DCAF5: variants seen among roughly 807,000 people sequenced by gnomAD.
DCAF5 encodes DDB1- and CUL4-associated factor 5.
A neutral mutation model predicts 80.7 loss-of-function variants in DCAF5; 9 were observed. The observed-to-expected ratio is 0.11, with a 90% CI of 0.07 to 0.19. The LOEUF (loss-of-function observed/expected upper bound fraction) is 0.19, where lower values mean the gene tolerates loss of function less well. Ranked by LOEUF, DCAF5 falls within the 10% of genes least tolerant of loss-of-function variation. The pLI is 1.00. For missense variants in DCAF5, 842 were observed against 1,205.7 expected (o/e 0.70, Z 4.47); for synonymous variants, 433 against 461.9 (o/e 0.94, Z 0.80).
chr14:69,075,628 C>T (rs1037391518), intron 6 of DCAF5, among the ~76,000 whole-genome samples: 14 of 152,046 alleles, frequency 9.2e-5, no homozygotes, highest in African/African-American at 3.1e-4. Flanking sequence ...ACTACAGGCA[C>T]ACGCCACCAC....
At position 69,053,686 on chromosome 14, in the gene DCAF5, T is replaced by C; in HGVS notation, c.*171A>G. On this transcript the variant is annotated 3_prime_UTR_variant, in exon 9 of 9. Transcript: ENST00000341516. ...CACAAGCCAATGGCCAGCTAGACAT[T>C]CAGACCCGTTGTTGAATGTTGGATA... 1.6e-6 allele frequency: 1 copy of C among 632,524 alleles called. No individual in the cohort carries two copies. The highest frequency in any genetic ancestry group is 2.6e-6 in the Non-Finnish European group (1 of 381,406). 39.2% of individuals were successfully genotyped at this position (632,524 alleles called of 1,614,324 possible).
chr14:69,068,715 AAAG>A (rs1406691451), intron 7 of DCAF5, among the ~76,000 whole-genome samples: 1 of 151,950 alleles, frequency 6.6e-6, no homozygotes, highest in Non-Finnish European at 1.5e-5. Context: ...AAAAAAAAAA[AAAG>A]TTTACTGCAA....
At chr14:69,125,347 C>A (rs1302949351) in intron 1 of DCAF5, among the ~76,000 whole-genome samples, 1 of 152,150 alleles carries the variant, frequency 6.6e-6, no homozygotes, top group Non-Finnish European at 1.5e-5. Flanking sequence ...ACTGAAGGAC[C>A]AGAACAGGAC....
chr14:69,088,398 G>A (rs1194451885), intron 6 of DCAF5, among the ~76,000 whole-genome samples: 1 of 152,190 alleles, frequency 6.6e-6, no homozygotes, highest in African/African-American at 2.4e-5. Flanking sequence ...ATCTACAGTG[G>A]TGGCAATGAG....
chr14:69,104,910 A>C (rs542885251), intron 5 of DCAF5, among the ~76,000 whole-genome samples: 4 of 152,224 alleles, frequency 2.6e-5, no homozygotes, highest in African/African-American at 9.6e-5. Flanking sequence ...AAAGACTTAG[A>C]AGTCAAATCA....
At chr14:69,102,915 G>C (rs184249826) in intron 5 of DCAF5, among the ~76,000 whole-genome samples, 56 of 152,222 alleles carry the variant, frequency 3.7e-4, no homozygotes, top group African/African-American at 1.3e-3. Flanking sequence ...ATCATCTTAT[G>C]TACTACACTT....
intron 5 of DCAF5, among the ~76,000 whole-genome samples, chr14:69,108,667 G>C (rs1247541832): frequency 6.6e-6 from 1 of 152,162 alleles, no homozygotes; most frequent in Non-Finnish European, 1.5e-5. Flanking sequence ...TACAGTGCTT[G>C]GGAGAAAGCA....
At position 69,091,759 on chromosome 14, in the gene DCAF5, C is replaced by A. The variant is rs757111344; in HGVS notation, c.794G>T (p.Arg265Leu). 5.6e-6 allele frequency: 9 copies of A among 1,614,032 alleles called. No individual in the cohort carries two copies. The highest frequency in any genetic ancestry group is 7.6e-6 in the Non-Finnish European group (9 of 1,179,982). Residue 265 changes from arginine to leucine, a missense_variant, in exon 6 of 9, where the codon CGC (arginine) becomes CTC (leucine). By Grantham distance (102) the Arg-to-Leu change is moderately radical (BLOSUM62 -2). Coordinates refer to ENST00000341516, the MANE Select transcript of DCAF5 (RefSeq NM_003861.3). ...LPPVLYDIHS[R>L]LPVFQFDNQG... is the part of the protein sequence containing the mutation. ...ATTGTCAAACTGAAACACAGGCAGGCGGGAATGGATGTCATAGAGCACAGG... is the reference window on the plus strand; with the variant it reads ...ATTGTCAAACTGAAACACAGGCAGGAGGGAATGGATGTCATAGAGCACAGG...
chr14:69,089,803 G>T, intron 6 of DCAF5: 1 of 483,856 alleles, frequency 2.1e-6, no homozygotes, highest in Non-Finnish European at 2.7e-6. Context: ...GATAACTTAG[G>T]ATGATATTAC....
At chr14:69,059,790 C>T (rs1289112309) in intron 8 of DCAF5, among the ~76,000 whole-genome samples, 1 of 152,192 alleles carries the variant, frequency 6.6e-6, no homozygotes, top group Non-Finnish European at 1.5e-5. Flanking sequence ...CTATGATCAT[C>T]TGTACATACT....
chr14:69,054,582 G>C lies in DCAF5; in HGVS notation c.2104C>G (p.Pro702Ala). The C allele has an allele frequency of 6.2e-7, 1 of 1,614,166 alleles. No individual in the cohort carries two copies. The highest frequency in any genetic ancestry group is 8.5e-7 in the Non-Finnish European group (1 of 1,180,032). The change falls in exon 9 of 9, where the codon CCA (proline) becomes GCA (alanine). Residue 702 changes from proline (P) to alanine (A), a missense_variant. Physicochemically the swap from Pro to Ala is conservative, Grantham distance 27 (BLOSUM62 -1). Transcript: ENST00000341516. Reference sequence around the variant, plus strand: ...GCTTCCTTACTGGAAGAAGGGGCTGGGTTGTCTTTGTGGCTGGTTCCTGCT... The same window carrying C: ...GCTTCCTTACTGGAAGAAGGGGCTGCGTTGTCTTTGTGGCTGGTTCCTGCT... The part of the protein sequence containing the change: ...GRAGTSHKDN[P>A]APSSSKEACL...
chr14:69,106,165 T>C (rs1374449976), intron 5 of DCAF5, among the ~76,000 whole-genome samples: 2 of 151,224 alleles, frequency 1.3e-5, no homozygotes, highest in South Asian at 2.1e-4. Context: ...CAAGCAATTC[T>C]CCTGCCTCAG....
intron 6 of DCAF5, among the ~76,000 whole-genome samples, chr14:69,078,009 T>C (rs1236059787): frequency 1.3e-5 from 2 of 152,174 alleles, no homozygotes; most frequent in African/African-American, 2.4e-5. Flanking sequence ...TAAGATTCTA[T>C]GATTACACTG....
chr14:69,083,773 G>A (rs1467974448), intron 6 of DCAF5: 1 of 684,280 alleles, frequency 1.5e-6, no homozygotes, highest in Non-Finnish European at 2.7e-6. Context: ...AGCAAAAACT[G>A]AAAACAAAGG....
At chr14:69,115,904 A>G (rs1311219003) in intron 5 of DCAF5, among the ~76,000 whole-genome samples, 4 of 152,196 alleles carry the variant, frequency 2.6e-5, no homozygotes, top group Admixed American at 6.6e-5. Flanking sequence ...ATTTTCATAT[A>G]ATTTTGGCAG....
intron 1 of DCAF5, among the ~76,000 whole-genome samples, chr14:69,136,591 AT>A (rs750860533): frequency 1.3e-5 from 2 of 152,080 alleles, no homozygotes; most frequent in Non-Finnish European, 2.9e-5. Flanking sequence ...TTTTTCACTT[AT>A]GAAAACTAAT....
upstream of DCAF5, chr14:69,153,123 G>GAC (rs1189196587): frequency 3.6e-5 from 21 of 580,518 alleles, no homozygotes; most frequent in Non-Finnish European, 8.1e-6. Flanking sequence ...GAGGTGTGCA[G>GAC]ACACTCGGCG....
intron 5 of DCAF5, among the ~76,000 whole-genome samples, chr14:69,112,310 G>A (rs1411240706): frequency 3.3e-5 from 5 of 152,172 alleles, no homozygotes; most frequent in Non-Finnish European, 5.9e-5. Flanking sequence ...GGGACAGGAA[G>A]TCTAAAGGAC....
At chr14:69,115,388 T>C (rs1245525762) in intron 5 of DCAF5, among the ~76,000 whole-genome samples, 1 of 152,206 alleles carries the variant, frequency 6.6e-6, no homozygotes, top group Non-Finnish European at 1.5e-5. Context: ...GAGAATCACC[T>C]AGGAGTAAAA....
Sources: gnomAD v4.1 joint callset for allele counts (sites outside exome capture counted in the v4.1 genomes callset) on GRCh38, gnomAD v4.1.1 for gene constraint, MANE v1.5 for transcripts, NCBI Gene and HGNC (gene_info 2026-07-23, HGNC 2026-07-21) for gene names.